Variants in HDAC9 observed in about 807,000 individuals in gnomAD.
HDAC9 encodes histone deacetylase 9.
Under a neutral mutation model 139.4 loss-of-function variants are expected in HDAC9, and 41 were observed. The observed-to-expected ratio is 0.29, with a 90% CI of 0.23 to 0.38. The LOEUF (loss-of-function observed/expected upper bound fraction) is 0.38. HDAC9 is among the 10% of genes least tolerant of loss of function. The pLI, the probability that HDAC9 is intolerant of heterozygous loss-of-function variation, is 1.00. For synonymous variants in HDAC9, 517 were observed against 476.2 expected (o/e 1.09, Z -1.12); for missense variants, 1,147 against 1,297.0 (o/e 0.88, Z 1.78).
intron 2 of HDAC9, among the ~76,000 whole-genome samples, chr7:18,254,052 A>C (rs1795087179): frequency 6.6e-6 from 1 of 152,266 alleles, no homozygotes; most frequent in Non-Finnish European, 1.5e-5. Flanking sequence ...GCATTGATGT[A>C]AAATTTTCTG....
chr7:18,948,926 T>A (rs552309091), intron 23 of HDAC9: 19 of 336,522 alleles, frequency 5.6e-5, no homozygotes, highest in African/African-American at 4.2e-4. Context: ...CTGCCAGAGA[T>A]CTTGAATAGC....
At chr7:18,949,052 A>G (rs557423325) in intron 23 of HDAC9, 460 of 394,542 alleles carry the variant, frequency 1.2e-3, no homozygotes, top group Non-Finnish European at 1.9e-3. Context: ...AATGTTTTCT[A>G]CAGAACTAGG....
In HDAC9 at chr7:18,511,982, A is replaced by G. The variant is rs558068483; in HGVS notation, c.22+15658A>G. Among the ~76,000 whole-genome samples, 36 of 151,144 alleles carry G rather than the reference A, an allele frequency of 2.4e-4. No homozygotes were observed. The South Asian group carries it at 6.5e-3, about 27-fold the overall frequency. ...AAGATTGGTTAAAGGAAAAAAGTCT[A>G]TCAGTGAATGTTGCCCTGTTAATAA... On this transcript the variant is annotated intron_variant, in intron 2 of 25. Coordinates refer to ENST00000686413, the MANE Select transcript of HDAC9 (RefSeq NM_178425.4).
intron 1 of HDAC9, among the ~76,000 whole-genome samples, chr7:18,092,604 C>A (rs2128060118): frequency 6.6e-6 from 1 of 152,060 alleles, no homozygotes; most frequent in African/African-American, 2.4e-5. Context: ...ATAATGGGGT[C>A]CCATTGTCCA....
chr7:18,244,057 A>C (rs937197376), intron 2 of HDAC9, among the ~76,000 whole-genome samples: 1 of 152,358 alleles, frequency 6.6e-6, no homozygotes, highest in East Asian at 1.9e-4. Context: ...ATAGCCCAGC[A>C]TGACAGTAAG....
intron 24 of HDAC9, among the ~76,000 whole-genome samples, chr7:18,967,088 C>G (rs777795429): frequency 6.6e-6 from 1 of 152,036 alleles, no homozygotes; most frequent in Non-Finnish European, 1.5e-5. Flanking sequence ...AAATCACAGA[C>G]GAACACTGAA....
At chr7:18,417,982 G>T (rs1339756637) in intron 1 of HDAC9, among the ~76,000 whole-genome samples, 1 of 152,086 alleles carries the variant, frequency 6.6e-6, no homozygotes, top group African/African-American at 2.4e-5. Flanking sequence ...CTGGATGGAT[G>T]TCCACCACGC....
At chr7:18,822,492 T>C (rs1795060648) in intron 17 of HDAC9, among the ~76,000 whole-genome samples, 1 of 152,136 alleles carries the variant, frequency 6.6e-6, no homozygotes, top group Non-Finnish European at 1.5e-5. Flanking sequence ...CTAGTTGGGA[T>C]TACAGGTTCC....
At chr7:18,258,950 CCTT>C (rs1185317148) in intron 2 of HDAC9, among the ~76,000 whole-genome samples, 1 of 113,158 alleles carries the variant, frequency 8.8e-6, no homozygotes, top group African/African-American at 3.1e-5. Context: ...TTCTTCTTCT[CCTT>C]TTTTTTTTTT....
intron 1 of HDAC9, among the ~76,000 whole-genome samples, chr7:18,392,883 C>G (rs117694102): frequency 0.023 from 2,583 of 110,982 alleles, 39 homozygotes; most frequent in Middle Eastern, 0.12. Context: ...TAACAGTTCA[C>G]TAAAAAGGTG....
At chr7:18,151,118 CT>C (rs1340363228) in intron 1 of HDAC9, among the ~76,000 whole-genome samples, 2 of 152,074 alleles carry the variant, frequency 1.3e-5, no homozygotes, top group Admixed American at 6.5e-5. Flanking sequence ...ATCTCTTCCC[CT>C]ATATGACATT....
chr7:18,302,355 C>A (rs1038269978), intron 1 of HDAC9, among the ~76,000 whole-genome samples: 1 of 152,088 alleles, frequency 6.6e-6, no homozygotes, highest in Non-Finnish European at 1.5e-5. Context: ...GATGATGATA[C>A]GAAGTATGCA....
intron 22 of HDAC9, among the ~76,000 whole-genome samples, chr7:18,900,214 A>G (rs886996484): frequency 7.9e-5 from 12 of 152,208 alleles, no homozygotes; most frequent in Admixed American, 5.9e-4. Flanking sequence ...ACAGGTGCAC[A>G]CACACTAATG....
intron 16 of HDAC9, among the ~76,000 whole-genome samples, chr7:18,791,317 C>G (rs1030424139): frequency 6.6e-6 from 1 of 152,116 alleles, no homozygotes; most frequent in African/African-American, 2.4e-5. Context: ...TTTTTGCTTG[C>G]TTCCCCAGTA....
chr7:18,231,718 A>AATTGATG (rs757400239), intron 2 of HDAC9, among the ~76,000 whole-genome samples: 12 of 152,132 alleles, frequency 7.9e-5, no homozygotes, highest in Non-Finnish European at 1.8e-4. Context: ...AAATGCAGAA[A>AATTGATG]ATTGATGCAG....
intron 2 of HDAC9, among the ~76,000 whole-genome samples, chr7:18,547,506 A>G (rs1815363584): frequency 6.6e-6 from 1 of 152,198 alleles, no homozygotes; most frequent in South Asian, 2.1e-4. Flanking sequence ...AAGTGCTGGG[A>G]TTACAGGCGT....
chr7:18,547,947 T>C (rs1267293281), intron 2 of HDAC9, among the ~76,000 whole-genome samples: 3 of 145,878 alleles, frequency 2.1e-5, no homozygotes, highest in Non-Finnish European at 3.0e-5. Context: ...GCATTCACAA[T>C]TTTGTGGTTT....
At chr7:18,293,639 A>G (rs747509920) in intron 1 of HDAC9, among the ~76,000 whole-genome samples, 6 of 152,096 alleles carry the variant, frequency 3.9e-5, no homozygotes, top group Non-Finnish European at 7.4e-5. Context: ...TCATAAGAAC[A>G]TATTCACAAC....
At chr7:18,612,691 TA>T (rs1227736436) in intron 6 of HDAC9, among the ~76,000 whole-genome samples, 1 of 152,084 alleles carries the variant, frequency 6.6e-6, no homozygotes, top group Admixed American at 6.6e-5. Context: ...TTAAAATAAG[TA>T]AATCAGATAA....
Sources: allele counts gnomAD v4.1 joint callset (sites outside exome capture counted in the v4.1 genomes callset), GRCh38; gene constraint gnomAD v4.1.1; transcripts MANE v1.5; gene names NCBI Gene and HGNC (gene_info 2026-07-23, HGNC 2026-07-21).